ITPRID1: variants seen among roughly 807,000 people sequenced by gnomAD.
ITPRID1 encodes the protein protein ITPRID1.
ITPRID1 carries 96 observed loss-of-function variants against 95.4 expected under a neutral mutation model. The ratio of observed to expected loss-of-function variants is 1.01; its 90% CI spans 0.85 to 1.19. The LOEUF is 1.19. Among genes scored for constraint, ITPRID1 ranks in the 50% most tolerant of loss-of-function variants. The probability of loss-of-function intolerance (pLI) is 0.00; values close to 1 mark genes in which losing one functional copy is unlikely to be tolerated. For missense variants in ITPRID1, 1,339 were observed against 1,252.9 expected (o/e 1.07, Z -1.04); for synonymous variants, 510 against 453.6 (o/e 1.12, Z -1.58).
intron 2 of ITPRID1, 95 bp downstream of exon 2, chr7:31,549,594 C>T: frequency 1.1e-6 from 1 of 907,510 alleles, no homozygotes; most frequent in Non-Finnish European, 1.6e-6. Flanking sequence ...AATAGATTAT[C>T]AGAAAAGTTT....
At chr7:31,584,688 T>G (rs1322979951) in intron 10 of ITPRID1, among the ~76,000 whole-genome samples, 1 of 152,222 alleles carries the variant, frequency 6.6e-6, no homozygotes, top group Non-Finnish European at 1.5e-5. Context: ...AAAATAGTGT[T>G]GTTAACTGAA....
At chr7:31,586,476 T>G (rs2128151507) in intron 10 of ITPRID1, among the ~76,000 whole-genome samples, 1 of 151,674 alleles carries the variant, frequency 6.6e-6, no homozygotes, top group Non-Finnish European at 1.5e-5. Context: ...AGTATTCCTA[T>G]TTCTCCACAT....
At chr7:31,593,520 C>T (rs1229865708) in intron 10 of ITPRID1, among the ~76,000 whole-genome samples, 1 of 152,122 alleles carries the variant, frequency 6.6e-6, no homozygotes. Context: ...ACAAGATTGA[C>T]TTCACCTTTT....
intron 10 of ITPRID1, among the ~76,000 whole-genome samples, chr7:31,583,396 C>T (rs185455597): frequency 5.0e-4 from 76 of 152,174 alleles, no homozygotes; most frequent in African/African-American, 1.6e-3. Context: ...GAGGCTGAGA[C>T]GTGGGGATCG....
At chr7:31,650,095 C>A (rs1790820104) in intron 12 of ITPRID1, among the ~76,000 whole-genome samples, 1 of 152,184 alleles carries the variant, frequency 6.6e-6, no homozygotes, top group Non-Finnish European at 1.5e-5. Context: ...AGACCGGGGA[C>A]AGAGGCCCAA....
chr7:31,651,261 G>A lies in ITPRID1; in HGVS notation c.2703G>A (p.Glu901=). 6.2e-7 allele frequency: 1 copy of A among 1,613,122 alleles called. No homozygotes were observed. The highest frequency in any genetic ancestry group is 8.5e-7 in the Non-Finnish European group (1 of 1,179,386). Reference sequence around the variant, plus strand: ...CCCTCTTTTCCAGGGACATGTCAGAGGAGGAAAGGTAATTACCTAAGGGAG... The same window carrying A: ...CCCTCTTTTCCAGGGACATGTCAGAAGAGGAAAGGTAATTACCTAAGGGAG... ...QQALFSRDMS[E]EEREEAEQLQ... The change falls in exon 13 of 15, where the codon GAG becomes GAA. Residue 901 remains glutamate (E), a synonymous_variant. Transcript: ENST00000615280.
intron 10 of ITPRID1, among the ~76,000 whole-genome samples, chr7:31,634,707 G>A (rs1789321847): frequency 6.6e-6 from 1 of 152,186 alleles, no homozygotes; most frequent in Non-Finnish European, 1.5e-5. Flanking sequence ...AAATTGTGCA[G>A]GGCTTGGTGG....
rs1790922118 is a variant in ITPRID1, at chr7:31,651,263, A to T, written c.2705A>T (p.Glu902Val). The T allele has an allele frequency of 1.7e-5, 28 of 1,613,016 alleles. No homozygotes were observed. Among genetic ancestry groups the T allele is most frequent in the Non-Finnish European group, 2.4e-5 (28 of 1,179,330 alleles). ...QALFSRDMSE[E>V]EREEAEQLQT... is the part of the protein sequence containing the mutation. ...CTCTTTTCCAGGGACATGTCAGAGG[A>T]GGAAAGGTAATTACCTAAGGGAGCC... The change falls in exon 13 of 15, where the codon GAG (glutamate) becomes GTG (valine). Residue 902 changes from glutamate (E) to valine (V), a missense_variant. Glu to Val is a moderately radical substitution (Grantham distance 121). Transcript: ENST00000615280.
chr7:31,544,584 C>T (rs1189346984), intron 1 of ITPRID1, among the ~76,000 whole-genome samples: 1 of 152,062 alleles, frequency 6.6e-6, no homozygotes, highest in African/African-American at 2.4e-5. Context: ...ACAACGTTCT[C>T]CTTTAATATT....
At chr7:31,549,698 A>C (rs1259561680) in intron 2 of ITPRID1, among the ~76,000 whole-genome samples, 199 bp downstream of exon 2, 1 of 152,178 alleles carries the variant, frequency 6.6e-6, no homozygotes. Context: ...ACCAGACAAG[A>C]ACTAAGAAAG....
At chr7:31,572,856 G>C (rs1341943456) in intron 7 of ITPRID1, among the ~76,000 whole-genome samples, 1 of 152,170 alleles carries the variant, frequency 6.6e-6, no homozygotes, top group Non-Finnish European at 1.5e-5. Context: ...AGCAGGAACT[G>C]TGTTCATTTT....
chr7:31,555,667 A>T (rs1171543178), intron 5 of ITPRID1, among the ~76,000 whole-genome samples: 4 of 152,182 alleles, frequency 2.6e-5, no homozygotes, highest in East Asian at 3.8e-4. Flanking sequence ...TATTGTGAAG[A>T]ATTTGTGTGA....
intron 8 of ITPRID1, 79 bp from the exon 9 acceptor site, chr7:31,577,784 C>G (rs73087451): frequency 7.6e-6 from 9 of 1,187,238 alleles, no homozygotes; most frequent in South Asian, 1.7e-5. Flanking sequence ...GTTAACGGAC[C>G]CTTCAGTTTT....
At chr7:31,621,143 A>AT (rs1787841691) in intron 10 of ITPRID1, among the ~76,000 whole-genome samples, 1 of 150,918 alleles carries the variant, frequency 6.6e-6, no homozygotes, top group Admixed American at 6.6e-5. Context: ...GGTGTACCTG[A>AT]AAGTGATGGG....
intron 10 of ITPRID1, among the ~76,000 whole-genome samples, chr7:31,633,038 C>A (rs1583666644): frequency 6.6e-6 from 1 of 152,140 alleles, no homozygotes; most frequent in Non-Finnish European, 1.5e-5. Context: ...AGGTGGGCAC[C>A]ATCATGCCCA....
chr7:31,599,603 TTCTTTC>T (rs1166216475), intron 10 of ITPRID1, among the ~76,000 whole-genome samples: 34 of 76,354 alleles, frequency 4.5e-4, no homozygotes, highest in African/African-American at 1.6e-3. Context: ...CTTTCTTTCT[TTCTTTC>T]TTTCTTTCTT....
At chr7:31,587,188 G>C (rs1329857886) in intron 10 of ITPRID1, among the ~76,000 whole-genome samples, 3 of 152,142 alleles carry the variant, frequency 2.0e-5, no homozygotes, top group Non-Finnish European at 2.9e-5. Context: ...AGGAAAAGAG[G>C]AAGTCACATT....
intron 5 of ITPRID1, among the ~76,000 whole-genome samples, chr7:31,557,233 T>G (rs1784477670): frequency 6.6e-6 from 1 of 152,122 alleles, no homozygotes; most frequent in Non-Finnish European, 1.5e-5. Context: ...TAACTAGAAT[T>G]CATTCTAAGG....
chr7:31,584,752 G>A (rs1481818184), intron 10 of ITPRID1, among the ~76,000 whole-genome samples: 1 of 152,094 alleles, frequency 6.6e-6, no homozygotes, highest in Admixed American at 6.6e-5. Context: ...AATGGGAAAA[G>A]GAAATTTTCA....
Sources: gnomAD v4.1 joint callset for allele counts (sites outside exome capture counted in the v4.1 genomes callset) on GRCh38, gnomAD v4.1.1 for gene constraint, MANE v1.5 for transcripts, NCBI Gene and HGNC (gene_info 2026-07-23, HGNC 2026-07-21) for gene names.